Variants in RASSF3 observed in about 807,000 individuals in gnomAD.
The protein encoded by RASSF3 is Ras association domain family member 3.
Under a neutral mutation model 19.9 loss-of-function variants are expected in RASSF3, and 19 were observed. The observed-to-expected ratio is 0.96, with a 90% CI of 0.67 to 1.40. The LOEUF (loss-of-function observed/expected upper bound fraction) is 1.40, where lower values mean the gene tolerates loss of function less well. Among genes scored for constraint, RASSF3 ranks in the 40% most tolerant of loss-of-function variants. The pLI, the probability that RASSF3 is intolerant of heterozygous loss-of-function variation, is 0.00. For missense variants in RASSF3, 306 were observed against 289.8 expected, an observed-to-expected ratio of 1.06 and a Z score of -0.41; for synonymous variants, 110 against 104.2, an observed-to-expected ratio of 1.06 and a Z score of -0.34.
intron 2 of RASSF3, among the ~76,000 whole-genome samples, chr12:64,686,069 C>T (rs535497452): frequency 6.6e-6 from 1 of 152,208 alleles, no homozygotes; most frequent in African/African-American, 2.4e-5. Context: ...GGTAGAACTC[C>T]TCCAAAAAGA....
intron 1 of RASSF3, among the ~76,000 whole-genome samples, chr12:64,657,232 G>A (rs1197107785): frequency 1.3e-5 from 2 of 152,100 alleles, no homozygotes; most frequent in South Asian, 2.1e-4. Flanking sequence ...GGATGGTCTC[G>A]AACTCCTGAC....
intron 1 of RASSF3, among the ~76,000 whole-genome samples, chr12:64,632,759 A>T (rs75104665): frequency 1.3e-5 from 2 of 152,130 alleles, no homozygotes; most frequent in African/African-American, 4.8e-5. Flanking sequence ...GCCAGAATTA[A>T]GGGTCTGAAG....
intron 2 of RASSF3, among the ~76,000 whole-genome samples, chr12:64,552,152 T>A (rs1269781331): frequency 6.6e-6 from 1 of 151,958 alleles, no homozygotes; most frequent in African/African-American, 2.4e-5. Context: ...TTAAAGGACA[T>A]GGGAAAATTT....
chr12:64,631,149 A>C (rs1871154241), intron 1 of RASSF3, among the ~76,000 whole-genome samples: 1 of 152,180 alleles, frequency 6.6e-6, no homozygotes, highest in Non-Finnish European at 1.5e-5. Flanking sequence ...CCAGCAGGTA[A>C]GAAGTGGGCA....
intron 4 of RASSF3, 106 bp from the exon 5 acceptor site, chr12:64,694,657 G>T (rs1284265633): frequency 1.6e-6 from 2 of 1,250,202 alleles, no homozygotes; most frequent in Non-Finnish European, 2.3e-6. Flanking sequence ...TGCGGCATGG[G>T]GCTGGGAGGG....
chr12:64,654,661 G>T (rs1165400439), intron 1 of RASSF3: 3 of 111,866 alleles, frequency 2.7e-5, no homozygotes, highest in African/African-American at 1.1e-4. Flanking sequence ...GGGGGGTGGG[G>T]GGAAGCCAGC....
chr12:64,508,703 G>A (rs1295577028), intron 1 of RASSF3, among the ~76,000 whole-genome samples: 3 of 152,050 alleles, frequency 2.0e-5, no homozygotes, highest in African/African-American at 7.2e-5. Flanking sequence ...TGACCAACAT[G>A]GAGAAACCCT....
At chr12:64,572,469 C>T (rs1373225542) in intron 2 of RASSF3, among the ~76,000 whole-genome samples, 2 of 152,150 alleles carry the variant, frequency 1.3e-5, no homozygotes, top group Non-Finnish European at 2.9e-5. Context: ...TTTCAGCCTA[C>T]AGAGCTGGGA....
At chr12:64,551,086 T>C (rs1869152463) in intron 2 of RASSF3, among the ~76,000 whole-genome samples, 1 of 152,134 alleles carries the variant, frequency 6.6e-6, no homozygotes, top group Non-Finnish European at 1.5e-5. Context: ...CAGAGGAAGA[T>C]GTTAGGAATA....
chr12:64,613,733 C>T (rs1023082239), intron 1 of RASSF3, among the ~76,000 whole-genome samples: 3 of 151,968 alleles, frequency 2.0e-5, no homozygotes, highest in Non-Finnish European at 4.4e-5. Flanking sequence ...ATTGCTTGAG[C>T]CCAGGAGTTT....
At chr12:64,660,930 C>A (rs1178073087) in intron 1 of RASSF3, among the ~76,000 whole-genome samples, 2 of 152,148 alleles carry the variant, frequency 1.3e-5, no homozygotes, top group Non-Finnish European at 2.9e-5. Context: ...AGCACACGAG[C>A]TTTCCTCCGA....
At chr12:64,579,415 G>A (rs867992394) in intron 2 of RASSF3, among the ~76,000 whole-genome samples, 16 of 144,854 alleles carry the variant, frequency 1.1e-4, no homozygotes, top group African/African-American at 3.1e-4. Context: ...GCCGTGGCGC[G>A]ATCTCAGCTC....
intron 1 of RASSF3, among the ~76,000 whole-genome samples, chr12:64,624,651 A>C (rs1870921684): frequency 6.6e-6 from 1 of 150,804 alleles, no homozygotes; most frequent in Non-Finnish European, 1.5e-5. Context: ...AAGCATTAAT[A>C]AATGTTAGCA....
In RASSF3 at chr12:64,648,496, G is replaced by A. The variant is rs2136188671; in HGVS notation, c.112-36291G>A. Reference sequence around the variant, plus strand: ...CATAGTGGGTTAACCAGCGGTGGGTGTGGTGTCAGAATCACTCATAAAGCT... The same window carrying A: ...CATAGTGGGTTAACCAGCGGTGGGTATGGTGTCAGAATCACTCATAAAGCT... On this transcript the variant is annotated intron_variant, in intron 1 of 4. Transcript: ENST00000542104. Among the ~76,000 whole-genome samples the A allele has an allele frequency of 2.0e-5, 3 of 152,104 alleles. No homozygotes were observed. The South Asian group carries it at 6.2e-4, about 32-fold the overall frequency.
At chr12:64,652,838 CTG>C (rs1247334390) in intron 1 of RASSF3, among the ~76,000 whole-genome samples, 1 of 152,132 alleles carries the variant, frequency 6.6e-6, no homozygotes, top group African/African-American at 2.4e-5. Context: ...AAAATCTTGT[CTG>C]TGTTAGTTTG....
At chr12:64,563,380 G>A (rs191543787) in intron 2 of RASSF3, among the ~76,000 whole-genome samples, 8 of 151,786 alleles carry the variant, frequency 5.3e-5, no homozygotes, top group African/African-American at 1.9e-4. Context: ...ATGATGGCCA[G>A]GCTGGTCTCG....
At chr12:64,610,015 G>A (rs1184929514), upstream of RASSF3, among the ~76,000 whole-genome samples, 1 of 152,104 alleles carries the variant, frequency 6.6e-6, no homozygotes, top group Non-Finnish European at 1.5e-5. Flanking sequence ...AGGACTGGGC[G>A]TTGCGGCTGC....
chr12:64,572,401 C>A (rs1455981777), intron 2 of RASSF3, among the ~76,000 whole-genome samples: 1 of 151,856 alleles, frequency 6.6e-6, no homozygotes, highest in East Asian at 1.9e-4. Flanking sequence ...TAGCCTTCTG[C>A]AAGCCAGGAG....
rs1438601142 is a variant in RASSF3 at position 64,696,612 on chromosome 12, G to T, written c.*1700G>T. On this transcript the variant is annotated 3_prime_UTR_variant, in exon 5 of 5. Transcript: ENST00000542104. ...GCCCAAGTGAACTGTGCCTTTTATT[G>T]CATTTCTGTTCGTCTCTTGGTGGCT... is the stretch of plus-strand genomic sequence containing the variant. 6.6e-6 allele frequency: 1 copy of T among 151,764 alleles called. No individual in the cohort carries two copies. Among genetic ancestry groups the T allele is most frequent in the Non-Finnish European group, 1.5e-5 (1 of 67,938 alleles). 9.4% of individuals were successfully genotyped at this position (151,764 alleles called of 1,614,324 possible). A position where few individuals can be genotyped will look rare whatever the true frequency, so the allele number is the denominator to read the frequency against.
Sources: allele counts gnomAD v4.1 joint callset (sites outside exome capture counted in the v4.1 genomes callset), GRCh38; gene constraint gnomAD v4.1.1; transcripts MANE v1.5; gene names NCBI Gene and HGNC (gene_info 2026-07-23, HGNC 2026-07-21).